PLCL2: variants seen among roughly 807,000 people sequenced by gnomAD.
The protein encoded by PLCL2 is phospholipase C like 2.
PLCL2 carries 4 observed loss-of-function variants against 79.6 expected under a neutral mutation model. That is an observed-to-expected ratio of 0.05 (90% CI 0.02 to 0.11). The LOEUF (loss-of-function observed/expected upper bound fraction) is 0.11. PLCL2 is among the 10% of genes least tolerant of loss of function. The probability of loss-of-function intolerance (pLI) is 1.00; values close to 1 mark genes in which losing one functional copy is unlikely to be tolerated. For synonymous variants in PLCL2, 484 were observed against 457.7 expected, an observed-to-expected ratio of 1.06 and a Z score of -0.73; for missense variants, 895 against 1,291.0, an observed-to-expected ratio of 0.69 and a Z score of 4.70.
chr3:17,041,803 G>A lies in PLCL2; in HGVS notation c.3019-1071G>A, dbSNP rs565192223. On this transcript the variant is annotated intron_variant, in intron 3 of 5. Coordinates refer to ENST00000615277, the MANE Select transcript of PLCL2 (RefSeq NM_001144382.2). Reference sequence around the variant, plus strand: ...ACAGAAAATTTTAAAAATTAGCCAAGCATGGTGGCACACACCTGTAGTCCC... The same window carrying A: ...ACAGAAAATTTTAAAAATTAGCCAAACATGGTGGCACACACCTGTAGTCCC... Among the ~76,000 whole-genome samples, 109 of 152,220 alleles carry A rather than the reference G, an allele frequency of 7.2e-4. 1 individual carries two copies. Among genetic ancestry groups the A allele is most frequent in the African/African-American group, 2.5e-3 (105 of 41,546 alleles).
At chr3:17,057,343 G>A (rs927465052) in intron 4 of PLCL2, among the ~76,000 whole-genome samples, 6 of 152,012 alleles carry the variant, frequency 3.9e-5, no homozygotes, top group East Asian at 1.9e-4. Flanking sequence ...TAAAGACTTC[G>A]GGAAACTGTT....
At chr3:17,003,860 C>T (rs1288844112) in intron 1 of PLCL2, among the ~76,000 whole-genome samples, 4 of 152,142 alleles carry the variant, frequency 2.6e-5, no homozygotes, top group African/African-American at 7.2e-5. Flanking sequence ...ACCCTTTTCC[C>T]AGTGGCCCTG....
intron 4 of PLCL2, 89 bp downstream of exon 4, chr3:17,043,038 T>C: frequency 2.5e-6 from 2 of 811,202 alleles, no homozygotes; most frequent in East Asian, 5.0e-5. Flanking sequence ...GGATGCTATA[T>C]CAAGAAAATC....
At chr3:17,040,713 A>G (rs1158232205) in intron 3 of PLCL2, among the ~76,000 whole-genome samples, 1 of 152,194 alleles carries the variant, frequency 6.6e-6, no homozygotes, top group Non-Finnish European at 1.5e-5. Flanking sequence ...GAGGTTAAAT[A>G]TCTTGTCCTA....
At chr3:16,966,336 G>A (rs989936155) in intron 1 of PLCL2, among the ~76,000 whole-genome samples, 2 of 151,976 alleles carry the variant, frequency 1.3e-5, no homozygotes, top group African/African-American at 4.8e-5. Flanking sequence ...ATTTGCGTAT[G>A]TTGAACCAGC....
At chr3:16,966,719 T>C (rs565109463) in intron 1 of PLCL2, among the ~76,000 whole-genome samples, 23 of 152,252 alleles carry the variant, frequency 1.5e-4, no homozygotes, top group African/African-American at 4.6e-4. Flanking sequence ...TATTCAGAGA[T>C]TTAACTTCTT....
At chr3:16,997,529 TTTC>T (rs1472098826) in intron 1 of PLCL2, among the ~76,000 whole-genome samples, 4 of 143,388 alleles carry the variant, frequency 2.8e-5, no homozygotes, top group East Asian at 2.1e-4. Context: ...ATTAATTTCT[TTTC>T]TTTTTTTTTT....
chr3:16,906,153 G>T (rs1378633713), intron 1 of PLCL2, among the ~76,000 whole-genome samples: 2 of 152,010 alleles, frequency 1.3e-5, no homozygotes, highest in African/African-American at 4.8e-5. Flanking sequence ...TGAGCTAAAG[G>T]TCCTTTTTTC....
intron 1 of PLCL2, among the ~76,000 whole-genome samples, chr3:16,918,012 G>GA (rs138487406): frequency 0.032 from 4,816 of 152,202 alleles, 119 homozygotes; most frequent in South Asian, 0.059. Context: ...ATATTATGTA[G>GA]AAAAAATTTG....
At chr3:16,893,805 T>C (rs1696407309) in intron 1 of PLCL2, among the ~76,000 whole-genome samples, 2 of 152,246 alleles carry the variant, frequency 1.3e-5, no homozygotes, top group Admixed American at 1.3e-4. Flanking sequence ...ACACATGCTA[T>C]ACTTGTGTAT....
At chr3:17,015,345 ACT>A (rs916926159) in intron 3 of PLCL2, among the ~76,000 whole-genome samples, 5 of 152,026 alleles carry the variant, frequency 3.3e-5, no homozygotes, top group Non-Finnish European at 7.4e-5. Flanking sequence ...GTATCACATG[ACT>A]CTGCACTAGG....
At chr3:16,888,099 T>G (rs1345796361) in intron 1 of PLCL2, among the ~76,000 whole-genome samples, 1 of 152,182 alleles carries the variant, frequency 6.6e-6, no homozygotes, top group Non-Finnish European at 1.5e-5. Flanking sequence ...GACAGCCCTC[T>G]TTGTTGGAGA....
chr3:17,073,722 C>T (rs1333952851), intron 5 of PLCL2, among the ~76,000 whole-genome samples: 1 of 152,190 alleles, frequency 6.6e-6, no homozygotes, highest in Non-Finnish European at 1.5e-5. Flanking sequence ...CAGCAATGTT[C>T]ACAGCATCTT....
chr3:17,025,249 G>A (rs2064503885), intron 3 of PLCL2, among the ~76,000 whole-genome samples: 1 of 152,144 alleles, frequency 6.6e-6, no homozygotes, highest in South Asian at 2.1e-4. Context: ...CTCTATAAAT[G>A]CAAGATCCAT....
At chr3:16,944,128 C>G (rs770141181) in intron 1 of PLCL2, among the ~76,000 whole-genome samples, 1 of 152,124 alleles carries the variant, frequency 6.6e-6, no homozygotes, top group Non-Finnish European at 1.5e-5. Context: ...CCTTATTGAG[C>G]CTCAGCTGCC....
intron 1 of PLCL2, among the ~76,000 whole-genome samples, chr3:16,938,074 C>T (rs1392384698): frequency 6.6e-6 from 1 of 152,114 alleles, no homozygotes; most frequent in African/African-American, 2.4e-5. Flanking sequence ...CGTGTTAAAT[C>T]ATTGTTACAT....
intron 1 of PLCL2, among the ~76,000 whole-genome samples, chr3:17,006,381 A>G (rs2064260582): frequency 6.6e-6 from 1 of 152,078 alleles, no homozygotes; most frequent in African/African-American, 2.4e-5. Context: ...TTTTCTGCTG[A>G]CTGTGGAAGA....
intron 3 of PLCL2, among the ~76,000 whole-genome samples, chr3:17,029,820 C>G (rs2064561983): frequency 6.6e-6 from 1 of 152,174 alleles, no homozygotes; most frequent in Admixed American, 6.5e-5. Flanking sequence ...ACAGCATCCA[C>G]CAGCTCTAGC....
chr3:17,009,646 C>G lies in PLCL2; in HGVS notation c.328-28C>G, dbSNP rs779573986. 1.7e-5 allele frequency: 20 copies of G among 1,203,170 alleles called. No homozygotes were observed. The highest frequency in any genetic ancestry group is 4.3e-5 in the Admixed American group (2 of 46,436). The allele number at this position is 1,203,170 out of a possible 1,614,324, so 74.5% of individuals were successfully genotyped here. On this transcript the variant is annotated intron_variant, in intron 1 of 5. Transcript: ENST00000615277. This position sits in a 1 kb window ranked among gnomAD's most constrained non-coding sequence, Gnocchi z 4.0. ...CATAGAAACCTATATTTATGTTATT[C>G]TAATATACGGTCTTTTTTTCCTCTC...
Sources: gnomAD v4.1 joint callset for allele counts (sites outside exome capture counted in the v4.1 genomes callset) on GRCh38, gnomAD v4.1.1 for gene constraint, Gnocchi (gnomAD v3.1) non-coding constraint, MANE v1.5 for transcripts, NCBI Gene and HGNC (gene_info 2026-07-23, HGNC 2026-07-21) for gene names.